The following ADAMTS6 variants were observed in gnomAD, a reference collection of about 807,000 sequenced individuals.
ADAMTS6 encodes ADAM metallopeptidase with thrombospondin type 1 motif 6, also known as A disintegrin and metalloproteinase with thrombospondin motifs 6.
In ADAMTS6, 23 loss-of-function variants were observed where a neutral mutation model predicts 144.3. The observed-to-expected ratio is 0.16, with a 90% CI of 0.11 to 0.23. ADAMTS6 has a LOEUF of 0.23. Among genes scored for constraint, ADAMTS6 ranks in the 10% least tolerant of loss-of-function variants. ADAMTS6 has a pLI of 1.00. For synonymous variants in ADAMTS6, 444 were observed against 457.5 expected (o/e 0.97, Z 0.38); for missense variants, 999 against 1,379.6 (o/e 0.72, Z 4.37).
chr5:65,153,483 C>T (rs953107955), intron 24 of ADAMTS6, among the ~76,000 whole-genome samples: 45 of 152,210 alleles, frequency 3.0e-4, no homozygotes, highest in African/African-American at 9.7e-4. Context: ...TAAGACTACA[C>T]GTGTATCCTT....
At chr5:65,250,552 A>T (rs552517531) in intron 14 of ADAMTS6, among the ~76,000 whole-genome samples, 3 of 152,360 alleles carry the variant, frequency 2.0e-5, no homozygotes, top group South Asian at 2.1e-4. Context: ...ATCTTAGAAC[A>T]GACCACAGAT....
intron 10 of ADAMTS6, among the ~76,000 whole-genome samples, chr5:65,295,715 A>G (rs571875214): frequency 6.6e-6 from 1 of 152,098 alleles, no homozygotes; most frequent in African/African-American, 2.4e-5. Flanking sequence ...GAATTCCTAG[A>G]CTCTATTTTT....
At position 65,299,056 on chromosome 5, in the gene ADAMTS6, A is replaced by C. The variant is rs1157215358; in HGVS notation, c.1370+929T>G. Reference sequence around the variant, plus strand: ...CTTTATGTATACCTTACTTTTTCACAGAGTATTTAATTTCTCCTCCCTAAA... The same window carrying C: ...CTTTATGTATACCTTACTTTTTCACCGAGTATTTAATTTCTCCTCCCTAAA... On this transcript the variant is annotated intron_variant, in intron 10 of 24. Coordinates refer to ENST00000381055, the MANE Select transcript of ADAMTS6 (RefSeq NM_197941.4). 3.9e-5 allele frequency among the ~76,000 whole-genome samples: 6 copies of C among 152,214 alleles called. No homozygotes were observed. In the East Asian group the frequency reaches 1.2e-3, roughly 29 times the overall value.
intron 7 of ADAMTS6, among the ~76,000 whole-genome samples, chr5:65,339,262 A>G (rs1158285475): frequency 2.6e-5 from 4 of 152,230 alleles, no homozygotes; most frequent in African/African-American, 9.6e-5. Flanking sequence ...TTACAGCTGA[A>G]GAAACTATAC....
intron 20 of ADAMTS6, among the ~76,000 whole-genome samples, chr5:65,205,135 C>T (rs1048120147): frequency 5.3e-5 from 8 of 151,116 alleles, no homozygotes; most frequent in Non-Finnish European, 1.0e-4. Flanking sequence ...AAAACAACAA[C>T]TGGACTTTGT....
At chr5:65,225,957 T>G in intron 16 of ADAMTS6, 129 bp downstream of exon 16, 1 of 999,036 alleles carries the variant, frequency 1.0e-6, no homozygotes. Flanking sequence ...TTACTCTTAA[T>G]GGAAATTGAA....
intron 22 of ADAMTS6, among the ~76,000 whole-genome samples, chr5:65,184,257 C>T (rs1160658455): frequency 6.6e-6 from 1 of 152,150 alleles, no homozygotes; most frequent in Non-Finnish European, 1.5e-5. Flanking sequence ...CCAGGGAAAA[C>T]AATTTGGCCC....
chr5:65,333,997 T>TAAA (rs750637450), intron 8 of ADAMTS6, 45 bp downstream of exon 8: 11,497 of 836,226 alleles, frequency 0.014, 51 homozygotes, highest in East Asian at 0.022. Flanking sequence ...CTACCTTTAT[T>TAAA]AAAAAAAAAA....
At chr5:65,269,695 T>C (rs551942506) in intron 12 of ADAMTS6, among the ~76,000 whole-genome samples, 1 of 152,226 alleles carries the variant, frequency 6.6e-6, no homozygotes, top group Admixed American at 6.5e-5. Flanking sequence ...TAAAATGGAG[T>C]TAAAACTGTA....
At chr5:65,356,540 G>T (rs1749342313) in intron 7 of ADAMTS6, among the ~76,000 whole-genome samples, 2 of 151,902 alleles carry the variant, frequency 1.3e-5, no homozygotes, top group South Asian at 4.1e-4. Flanking sequence ...CCAGAGAGCA[G>T]CTGGCCAGCT....
intron 7 of ADAMTS6, among the ~76,000 whole-genome samples, chr5:65,387,776 G>A (rs537900642): frequency 6.6e-6 from 1 of 152,126 alleles, no homozygotes; most frequent in Non-Finnish European, 1.5e-5. Context: ...AAAAGCAAGT[G>A]GGGGGAGATT....
intron 19 of ADAMTS6, among the ~76,000 whole-genome samples, 177 bp downstream of exon 19, chr5:65,215,147 C>G (rs1206895942): frequency 6.6e-6 from 1 of 152,204 alleles, no homozygotes; most frequent in Non-Finnish European, 1.5e-5. Context: ...AAATACTATT[C>G]AAGCAAGAGC....
intron 4 of ADAMTS6, among the ~76,000 whole-genome samples, chr5:65,457,736 T>C (rs1759320846): frequency 8.7e-6 from 1 of 114,696 alleles, no homozygotes; most frequent in Non-Finnish European, 1.9e-5. Flanking sequence ...CTAGTTTTTT[T>C]CTTTCTTTCT....
rs770973429 is a variant in ADAMTS6 at position 65,214,522 on chromosome 5, C to A, written c.2575+272G>T. ...GAATGTGTTCACGAAAGGCAAACAGCCCACCTTCAAGATAGTCTTGGGAGA... is the reference window on the plus strand; with the variant it reads ...GAATGTGTTCACGAAAGGCAAACAGACCACCTTCAAGATAGTCTTGGGAGA... On this transcript the variant is annotated intron_variant, in intron 20 of 24. Transcript: ENST00000381055. This position sits in a 1 kb window ranked among gnomAD's most constrained non-coding sequence, Gnocchi z 4.6. The A allele has an allele frequency of 2.0e-6, 1 of 500,564 alleles. No homozygotes were observed. Among genetic ancestry groups the A allele is most frequent in the Non-Finnish European group, 3.6e-6 (1 of 276,414 alleles). The allele number at this position is 500,564 out of a possible 1,614,324, so 31.0% of individuals were successfully genotyped here. A position where few individuals can be genotyped will look rare whatever the true frequency, so the allele number is the denominator to read the frequency against.
chr5:65,358,969 A>G (rs1162657764), intron 7 of ADAMTS6, among the ~76,000 whole-genome samples: 4 of 152,292 alleles, frequency 2.6e-5, no homozygotes, highest in Non-Finnish European at 5.9e-5. Context: ...GGTTTGGGCA[A>G]TGATTTTCTG....
At chr5:65,397,241 G>T (rs1298285314) in intron 7 of ADAMTS6, among the ~76,000 whole-genome samples, 1 of 151,824 alleles carries the variant, frequency 6.6e-6, no homozygotes, top group Non-Finnish European at 1.5e-5. Flanking sequence ...CTGGGTAAAG[G>T]CTTATCAATT....
intron 18 of ADAMTS6, among the ~76,000 whole-genome samples, chr5:65,220,537 G>C (rs1392865608): frequency 6.6e-6 from 1 of 152,084 alleles, no homozygotes; most frequent in Non-Finnish European, 1.5e-5. Context: ...ATGAGGTCAG[G>C]AGATCGAGGT....
intron 8 of ADAMTS6, among the ~76,000 whole-genome samples, chr5:65,332,308 TATATAGAGAGAG>T (rs1201795299): frequency 3.7e-5 from 4 of 109,412 alleles, no homozygotes; most frequent in Non-Finnish European, 8.4e-5. Context: ...TATATATATA[TATATAGAGAGAG>T]AGAGAGAGAG....
chr5:65,338,797 G>A (rs562301276), intron 7 of ADAMTS6, among the ~76,000 whole-genome samples: 1 of 152,240 alleles, frequency 6.6e-6, no homozygotes, highest in South Asian at 2.1e-4. Context: ...TGGCAAACAC[G>A]CCCTAGGCTA....
Sources: allele counts gnomAD v4.1 joint callset (sites outside exome capture counted in the v4.1 genomes callset), GRCh38; gene constraint gnomAD v4.1.1; non-coding constraint Gnocchi (gnomAD v3.1); transcripts MANE v1.5; gene names NCBI Gene and HGNC (gene_info 2026-07-23, HGNC 2026-07-21).